MMS22L: variants seen among roughly 807,000 people sequenced by gnomAD.
The protein encoded by MMS22L is MMS22 like, DNA repair protein, also known as protein MMS22-like.
Under a neutral mutation model 159.1 loss-of-function variants are expected in MMS22L, and 74 were observed. The observed-to-expected ratio is 0.47, with a 90% CI of 0.39 to 0.56. The LOEUF is 0.56. MMS22L is among the 20% of genes least tolerant of loss of function. MMS22L has a pLI of 0.00. For synonymous variants in MMS22L, 517 were observed against 506.9 expected (o/e 1.02, Z -0.27); for missense variants, 1,351 against 1,422.1 (o/e 0.95, Z 0.80).
chr6:97,229,285 G>A lies in MMS22L; in HGVS notation c.1648C>T (p.His550Tyr), dbSNP rs760200029. ...AGGAAATTCAGGAGGTCTAAAACAT[G>A]ACTTGCAACATCTTCTACCTCTGCA... ...AVAEVEDVAS[H>Y]VLDLLNFLKP... The change falls in exon 14 of 25, where the codon CAT becomes TAT. Residue 550 changes from histidine to tyrosine, a missense_variant. By Grantham distance (83) the His-to-Tyr change is moderately conservative (BLOSUM62 2). Transcript: ENST00000683635. 3.1e-6 allele frequency: 5 copies of A among 1,614,086 alleles called. No individual in the cohort carries two copies. Among genetic ancestry groups the A allele is most frequent in the African/African-American group, 1.3e-5 (1 of 75,048 alleles).
rs1800890200 is a variant in MMS22L, at chr6:97,145,439, T to G, written c.*1367A>C. 6.6e-6 allele frequency: 1 copy of G among 152,130 alleles called. No homozygotes were observed. 9.4% of individuals were successfully genotyped at this position (152,130 alleles called of 1,614,324 possible). A position where few individuals can be genotyped will look rare whatever the true frequency, so the allele number is the denominator to read the frequency against. On this transcript the variant is annotated 3_prime_UTR_variant, in exon 25 of 25. Coordinates refer to ENST00000683635, the MANE Select transcript of MMS22L (RefSeq NM_001350599.2). ...TTTTCTTGAAGGAAGAGTAGAACCA[T>G]GATAAAGACTATAATCCCAAGAAGG...
At chr6:97,243,669 A>C (rs902014404) in intron 11 of MMS22L, among the ~76,000 whole-genome samples, 1 of 152,040 alleles carries the variant, frequency 6.6e-6, no homozygotes, top group African/African-American at 2.4e-5. Context: ...GTTTTGTCCT[A>C]TTACCAGAAT....
At chr6:97,220,421 A>G (rs1289079673) in intron 14 of MMS22L, among the ~76,000 whole-genome samples, 1 of 152,192 alleles carries the variant, frequency 6.6e-6, no homozygotes, top group Non-Finnish European at 1.5e-5. Context: ...CAAAACAACT[A>G]TGAATATACT....
At chr6:97,176,802 T>C (rs1234057977) in intron 18 of MMS22L, among the ~76,000 whole-genome samples, 1 of 152,160 alleles carries the variant, frequency 6.6e-6, no homozygotes, top group East Asian at 1.9e-4. Context: ...CCTGGTTTCT[T>C]CAGACTTTTC....
intron 9 of MMS22L, chr6:97,260,574 T>G (rs931641157): frequency 6.6e-5 from 10 of 152,192 alleles, no homozygotes; most frequent in Non-Finnish European, 1.5e-4. Flanking sequence ...TTATTCAAGG[T>G]GTTTTTCTAT....
intron 14 of MMS22L, among the ~76,000 whole-genome samples, chr6:97,194,788 G>A (rs1245562197): frequency 1.3e-5 from 2 of 152,300 alleles, no homozygotes; most frequent in Non-Finnish European, 2.9e-5. Context: ...GGGCGTGGAA[G>A]AGATTCTCAA....
intron 24 of MMS22L, among the ~76,000 whole-genome samples, chr6:97,148,856 C>T (rs1049418699): frequency 1.2e-4 from 18 of 152,130 alleles, no homozygotes; most frequent in African/African-American, 4.3e-4. Flanking sequence ...ACCACTCACT[C>T]GCCGACCCAC....
chr6:97,217,469 G>T (rs1381523859), intron 14 of MMS22L, among the ~76,000 whole-genome samples: 1 of 152,044 alleles, frequency 6.6e-6, no homozygotes, highest in African/African-American at 2.4e-5. Context: ...CGGCCAGGCT[G>T]GTCTCAAACT....
intron 9 of MMS22L, chr6:97,261,106 T>TTA (rs1318913024): frequency 6.6e-6 from 1 of 152,228 alleles, no homozygotes; most frequent in Non-Finnish European, 1.5e-5. Context: ...GGCAATGATT[T>TTA]TAAAGCAGTT....
rs139619730 is a variant in MMS22L at position 97,233,905 on chromosome 6, T to C, written c.1258A>G (p.Ile420Val). ...LTLCDFWEPN[I>V]AIVTILWEYY... ...TCCCATAAAATGGTAACAATTGCAA[T>C]GTTTGGCTCCCAGAAATCACAAAGT... is the stretch of plus-strand genomic sequence containing the variant. The change falls in exon 12 of 25, where the codon ATT becomes GTT. Residue 420 changes from isoleucine (I) to valine (V), a missense_variant. Physicochemically the swap from Ile to Val is conservative, Grantham distance 29 (BLOSUM62 3). Coordinates refer to ENST00000683635, the MANE Select transcript of MMS22L (RefSeq NM_001350599.2). The C allele has an allele frequency of 4.7e-5, 76 of 1,611,334 alleles. No homozygotes were observed. Among genetic ancestry groups the C allele is most frequent in the Admixed American group, 1.8e-4 (11 of 59,610 alleles).
chr6:97,270,255 C>T (rs1005237327), intron 6 of MMS22L: 20 of 577,110 alleles, frequency 3.5e-5, no homozygotes, highest in African/African-American at 3.3e-4. Flanking sequence ...GTAAAGGTAC[C>T]TTCCAACCAA....
chr6:97,179,065 A>G (rs1416028998), intron 17 of MMS22L, among the ~76,000 whole-genome samples: 2 of 152,124 alleles, frequency 1.3e-5, no homozygotes, highest in Non-Finnish European at 1.5e-5. Context: ...TCACAGTGTG[A>G]TATCTGGTTA....
At chr6:97,246,751 T>C in intron 10 of MMS22L, 61 bp from the exon 11 acceptor site, 2 of 1,204,442 alleles carry the variant, frequency 1.7e-6, no homozygotes, top group Admixed American at 1.8e-5. Flanking sequence ...ATATTTAAAA[T>C]TAGGGTATAG....
In MMS22L at chr6:97,282,325, T is replaced by C; in HGVS notation, c.153A>G (p.Gly51=). The C allele has an allele frequency of 1.2e-6, 2 of 1,614,000 alleles. No individual in the cohort carries two copies. Among genetic ancestry groups the C allele is most frequent in the Non-Finnish European group, 1.7e-6 (2 of 1,179,952 alleles). ...TGAGTTTTACCTACCGCTTAAGGGCTCCGCTGCAGAGGTAGGATTCTCCAG... is the reference window on the plus strand; with the variant it reads ...TGAGTTTTACCTACCGCTTAAGGGCCCCGCTGCAGAGGTAGGATTCTCCAG... ...HFSGESYLCS[G]ALKRLILNLD... is the part of the protein sequence containing the mutation. The change falls in exon 2 of 25, where the codon GGA becomes GGG. Residue 51 remains glycine, a synonymous_variant. Transcript: ENST00000683635.
Position 97,269,800 on chromosome 6 carries a change from ATTTT to A in MMS22L, c.697+98_697+101del. The A allele has an allele frequency of 3.8e-6, 3 of 798,204 alleles. No homozygotes were observed. The South Asian group carries it at 6.6e-5, about 18-fold the overall frequency. 49.4% of individuals were successfully genotyped at this position (798,204 alleles called of 1,614,324 possible). A position where few individuals can be genotyped will look rare whatever the true frequency, so the allele number is the denominator to read the frequency against. On this transcript the variant is annotated intron_variant, in intron 7 of 24. Transcript: ENST00000683635. ...TACTTCATACTTTGTTTACTATTTG[ATTTT>A]TTTTTAAATATCAGAAAGCACTTAT...
chr6:97,275,062 T>A (rs972036659), intron 4 of MMS22L, among the ~76,000 whole-genome samples: 1 of 152,116 alleles, frequency 6.6e-6, no homozygotes, highest in Admixed American at 6.5e-5. Flanking sequence ...TAGCGACCCA[T>A]AACAAAATTC....
At position 97,166,483 on chromosome 6, in the gene MMS22L, C is replaced by A. The variant is rs183092905; in HGVS notation, c.3010-1026G>T. Among the ~76,000 whole-genome samples the A allele has an allele frequency of 1.2e-4, 19 of 152,134 alleles. No individual in the cohort carries two copies. In the East Asian group the frequency reaches 3.7e-3, roughly 29 times the overall value. On this transcript the variant is annotated intron_variant, in intron 20 of 24. Transcript: ENST00000683635. ...ATAGCATACAGCTGTTAAAACTGTA[C>A]CAAATAAACAACTGAAAAAAATCAA...
At chr6:97,152,159 C>T (rs1344911855) in intron 22 of MMS22L, among the ~76,000 whole-genome samples, 3 of 151,910 alleles carry the variant, frequency 2.0e-5, no homozygotes, top group East Asian at 1.9e-4. Flanking sequence ...TTACACCATC[C>T]TAATCCTACA....
intron 6 of MMS22L, chr6:97,270,770 T>C (rs1008022085): frequency 6.6e-6 from 1 of 151,968 alleles, no homozygotes; most frequent in Admixed American, 6.6e-5. Context: ...AGAAATAAAT[T>C]TATGTGGCAT....
Sources: allele counts gnomAD v4.1 joint callset (sites outside exome capture counted in the v4.1 genomes callset), GRCh38; gene constraint gnomAD v4.1.1; transcripts MANE v1.5; gene names NCBI Gene and HGNC (gene_info 2026-07-23, HGNC 2026-07-21).